Variants in CNTN1 observed in about 807,000 individuals in gnomAD.
CNTN1 encodes the protein contactin 1.
In CNTN1, 38 loss-of-function variants were observed where a neutral mutation model predicts 126.4. That is an observed-to-expected ratio of 0.30 (90% CI 0.23 to 0.39). The LOEUF is 0.39. Among genes scored for constraint, CNTN1 ranks in the 10% least tolerant of loss-of-function variants. The pLI, the probability that CNTN1 is intolerant of heterozygous loss-of-function variation, is 1.00. For synonymous variants in CNTN1, 413 were observed against 422.6 expected (o/e 0.98, Z 0.28); for missense variants, 1,009 against 1,248.4 (o/e 0.81, Z 2.89).
At chr12:40,870,214 G>A (rs1426971728) in intron 1 of CNTN1, among the ~76,000 whole-genome samples, 2 of 89,232 alleles carry the variant, frequency 2.2e-5, no homozygotes, top group Admixed American at 1.1e-4. Context: ...GTCTTTATCA[G>A]CAGCATAAAA....
chr12:40,693,155 G>A (rs1375958407), intron 1 of CNTN1, among the ~76,000 whole-genome samples: 1 of 152,180 alleles, frequency 6.6e-6, no homozygotes, highest in Non-Finnish European at 1.5e-5. Context: ...TGGGGGTGGG[G>A]AAGAATCCCT....
At chr12:41,026,970 T>G (rs1373348704) in intron 21 of CNTN1, among the ~76,000 whole-genome samples, 5 of 152,040 alleles carry the variant, frequency 3.3e-5, no homozygotes, top group Non-Finnish European at 5.9e-5. Flanking sequence ...TTGCTGCCAA[T>G]TTGGATGTTG....
rs145287827 is a variant in CNTN1 at position 41,028,257 on chromosome 12, C to A, written c.2823+288C>A. On this transcript the variant is annotated intron_variant, in intron 22 of 23. Transcript: ENST00000551295. The stretch of plus-strand genomic sequence containing the variant: ...GTCTTGGCCAGGGTGGTCTCGAACT[C>A]CTGACCCCAAATTATCCACCTACCT... 3.2e-4 allele frequency among the ~76,000 whole-genome samples: 49 copies of A among 152,226 alleles called. No homozygotes were observed. In the East Asian group the frequency reaches 9.1e-3, roughly 28 times the overall value.
intron 3 of CNTN1, among the ~76,000 whole-genome samples, chr12:40,915,647 C>T (rs181648234): frequency 1.2e-4 from 18 of 150,944 alleles, no homozygotes; most frequent in Admixed American, 3.3e-4. Context: ...AAGGAAAACT[C>T]TTAACCCTGA....
At chr12:40,859,520 T>A (rs1276522557) in intron 1 of CNTN1, among the ~76,000 whole-genome samples, 2 of 149,524 alleles carry the variant, frequency 1.3e-5, no homozygotes, top group Admixed American at 1.3e-4. Flanking sequence ...AGTAAACAAA[T>A]TGTGCAATGG....
chr12:40,862,208 T>TACACACATAC (rs1555170222), intron 1 of CNTN1, among the ~76,000 whole-genome samples: 27 of 147,362 alleles, frequency 1.8e-4, no homozygotes, highest in African/African-American at 6.8e-4. Context: ...TGTCTCTTAA[T>TACACACATAC]ACACACACAC....
chr12:40,788,378 T>A (rs1231359161), intron 1 of CNTN1, among the ~76,000 whole-genome samples: 1 of 152,088 alleles, frequency 6.6e-6, no homozygotes, highest in Non-Finnish European at 1.5e-5. Context: ...TGTTCCTACA[T>A]GTCCACCCTG....
intron 3 of CNTN1, among the ~76,000 whole-genome samples, chr12:40,913,190 T>C (rs2136831135): frequency 6.6e-6 from 1 of 152,332 alleles, no homozygotes; most frequent in South Asian, 2.1e-4. Flanking sequence ...CCTTACTTTG[T>C]ATGTTTAGTT....
chr12:40,879,535 A>T (rs899712108), intron 1 of CNTN1, among the ~76,000 whole-genome samples: 3 of 152,110 alleles, frequency 2.0e-5, no homozygotes, highest in Non-Finnish European at 4.4e-5. Context: ...GAGCCAAATG[A>T]TGGGGATTAG....
At chr12:40,892,400 T>G (rs1313523854) in intron 1 of CNTN1, among the ~76,000 whole-genome samples, 3 of 152,086 alleles carry the variant, frequency 2.0e-5, no homozygotes, top group African/African-American at 2.4e-5. Flanking sequence ...AGTTTCTCAT[T>G]CTAAGAAAAA....
intron 1 of CNTN1, among the ~76,000 whole-genome samples, chr12:40,883,506 A>G (rs1180138438): frequency 6.6e-6 from 1 of 151,580 alleles, no homozygotes; most frequent in Non-Finnish European, 1.5e-5. Flanking sequence ...CCTAGTTCAC[A>G]TGGTTTAGTC....
intron 1 of CNTN1, among the ~76,000 whole-genome samples, chr12:40,716,665 G>A (rs1942057882): frequency 6.6e-6 from 1 of 152,156 alleles, no homozygotes; most frequent in African/African-American, 2.4e-5. Context: ...TACATAGATA[G>A]TTTAGATTGA....
chr12:40,944,050 C>G lies in CNTN1; in HGVS notation c.1563C>G (p.Asn521Lys). Residue 521 changes from asparagine (N) to lysine (K), a missense_variant, in exon 14 of 24, where the codon AAC becomes AAG. Transcript: ENST00000551295. ...ATGCCGATATCACAGTTGGAGAAAA[C>G]GCCACCATGCAGTGTGCTGCGTCCT... ...PINADITVGENATMQCAASFD... is the reference protein window; with the variant it reads ...PINADITVGEKATMQCAASFD... The G allele has an allele frequency of 6.2e-7, 1 of 1,613,476 alleles. No individual in the cohort carries two copies. Among genetic ancestry groups the G allele is most frequent in the Non-Finnish European group, 8.5e-7 (1 of 1,179,616 alleles).
intron 1 of CNTN1, among the ~76,000 whole-genome samples, chr12:40,759,734 G>T (rs1056132581): frequency 3.3e-5 from 5 of 150,418 alleles, no homozygotes; most frequent in Non-Finnish European, 5.9e-5. Flanking sequence ...CTCCCAAAGT[G>T]CTGGGATTAC....
In CNTN1 at chr12:40,873,779, C is replaced by A. The variant is rs150469076; in HGVS notation, c.-76-34578C>A. The stretch of plus-strand genomic sequence containing the variant: ...AATTTCTCCACTCTTTCATCCTCTA[C>A]ATTTTTTTTTGTCAGTTTATTACTC... On this transcript the variant is annotated intron_variant, in intron 1 of 23. Coordinates refer to ENST00000551295, the MANE Select transcript of CNTN1 (RefSeq NM_001843.4). Among the ~76,000 whole-genome samples the A allele has an allele frequency of 1.5e-3, 223 of 152,094 alleles. 3 individuals are homozygous for A. Among genetic ancestry groups the A allele is most frequent in the African/African-American group, 5.2e-3 (217 of 41,424 alleles).
chr12:41,032,214 A>AG lies in CNTN1; in HGVS notation c.2980+3001dup, dbSNP rs1302163308. 3.9e-5 allele frequency among the ~76,000 whole-genome samples: 6 copies of AG among 152,152 alleles called. No individual in the cohort carries two copies. The South Asian group carries it at 1.0e-3, about 26-fold the overall frequency. On this transcript the variant is annotated intron_variant, in intron 23 of 23. Coordinates refer to ENST00000551295, the MANE Select transcript of CNTN1 (RefSeq NM_001843.4). ...AAGGCCTATTATCTATGCAATAGAC[A>AG]GGGGGGTTTTTTAAAACACAAATCA...
At position 41,045,541 on chromosome 12, in the gene CNTN1, A is replaced by G. The variant is rs892423484; in HGVS notation, c.2980+16322A>G. ...TACTGGAAGCCTTTAATGCCATAGT[A>G]AGAGGGAATATAAAATGCTTAAACT... On this transcript the variant is annotated intron_variant, in intron 23 of 23. Transcript: ENST00000551295. Among the ~76,000 whole-genome samples, 4 of 152,298 alleles carry G rather than the reference A, an allele frequency of 2.6e-5. No homozygotes were observed. In the East Asian group the frequency reaches 5.8e-4, roughly 22 times the overall value.
intron 2 of CNTN1, among the ~76,000 whole-genome samples, chr12:40,909,378 T>C (rs1944948395): frequency 6.6e-6 from 1 of 151,954 alleles, no homozygotes; most frequent in Non-Finnish European, 1.5e-5. Flanking sequence ...TAGGTCATTA[T>C]TATGAAAGTA....
intron 1 of CNTN1, among the ~76,000 whole-genome samples, chr12:40,810,393 C>T (rs1417549816): frequency 6.6e-6 from 1 of 152,110 alleles, no homozygotes; most frequent in African/African-American, 2.4e-5. Context: ...TTTGTGCTGA[C>T]AATACTTAAG....
Sources: allele counts gnomAD v4.1 joint callset (sites outside exome capture counted in the v4.1 genomes callset), GRCh38; gene constraint gnomAD v4.1.1; transcripts MANE v1.5; gene names NCBI Gene and HGNC (gene_info 2026-07-23, HGNC 2026-07-21).